The following AP2A2 variants were observed in gnomAD, a reference collection of about 807,000 sequenced individuals.
The protein encoded by AP2A2 is adaptor related protein complex 2 subunit alpha 2, also known as AP-2 complex subunit alpha-2.
AP2A2 carries 32 observed loss-of-function variants against 104.2 expected under a neutral mutation model. The ratio of observed to expected loss-of-function variants is 0.31; its 90% confidence interval spans 0.23 to 0.41. The LOEUF (loss-of-function observed/expected upper bound fraction) is 0.41, where lower values mean the gene tolerates loss of function less well. AP2A2 is among the 10% of genes least tolerant of loss of function. AP2A2 has a pLI of 1.00. For missense variants in AP2A2, 912 were observed against 1,261.0 expected, an observed-to-expected ratio of 0.72 and a Z score of 4.19; for synonymous variants, 539 against 533.3, an observed-to-expected ratio of 1.01 and a Z score of -0.15.
In AP2A2 at chr11:969,142, G is replaced by A. The variant is rs1317828426; in HGVS notation, c.137-1027G>A. ...GCCACCTTTCTCGCTCGCCTCCACAGCCTGCTGGAGGCTGGCTCTGAGGGA... is the reference window on the plus strand; with the variant it reads ...GCCACCTTTCTCGCTCGCCTCCACAACCTGCTGGAGGCTGGCTCTGAGGGA... On this transcript the variant is annotated intron_variant, in intron 2 of 21. Transcript: ENST00000448903. Among the ~76,000 whole-genome samples, 6 of 150,892 alleles carry A rather than the reference G, an allele frequency of 4.0e-5. No individual in the cohort carries two copies. In the East Asian group the frequency reaches 1.2e-3, roughly 29 times the overall value.
chr11:955,215 A>G (rs1026640652), intron 1 of AP2A2, among the ~76,000 whole-genome samples: 5 of 152,232 alleles, frequency 3.3e-5, no homozygotes, highest in African/African-American at 1.2e-4. Flanking sequence ...ACACATAGGC[A>G]CACGCACACT....
At chr11:1,009,501 C>T (rs950666120) in intron 20 of AP2A2, 104 bp downstream of exon 20, 13 of 1,371,922 alleles carry the variant, frequency 9.5e-6, no homozygotes, top group Non-Finnish European at 1.3e-5. Flanking sequence ...GACCCCGCGC[C>T]AGGGTCTGGA....
At position 972,202 on chromosome 11, in the gene AP2A2, C is replaced by A; in HGVS notation, c.420C>A (p.Ser140Arg). Residue 140 changes from serine (S) to arginine (R), a missense_variant, in exon 4 of 22, where the codon AGC becomes AGA. Coordinates refer to ENST00000448903, the MANE Select transcript of AP2A2 (RefSeq NM_012305.4). Reference sequence around the variant, plus strand: ...TGCACTGCATCGCCAGCGTGGGCAGCCGGGAGATGGCCGAGGCCTTCGCCG... The same window carrying A: ...TGCACTGCATCGCCAGCGTGGGCAGACGGGAGATGGCCGAGGCCTTCGCCG... Reference protein sequence around the residue: ...LALHCIASVGSREMAEAFAGE... With the variant: ...LALHCIASVGRREMAEAFAGE... 1.2e-6 allele frequency: 2 copies of A among 1,611,502 alleles called. No homozygotes were observed. Among genetic ancestry groups the A allele is most frequent in the Non-Finnish European group, 1.7e-6 (2 of 1,179,466 alleles).
At position 986,967 on chromosome 11, in the gene AP2A2, C is replaced by T. The variant is rs1354125759; in HGVS notation, c.1131+14C>T. ...AACGCCCTGAAGGCGAGTGCCCTGT[C>T]CTTGGGTTCTGCTCACTCCCTGAGC... On this transcript the variant is annotated intron_variant, in intron 9 of 21. Transcript: ENST00000448903. 2 of 1,564,240 alleles carry T rather than the reference C, an allele frequency of 1.3e-6. No homozygotes were observed. Among genetic ancestry groups the T allele is most frequent in the East Asian group, 2.4e-5 (1 of 41,866 alleles).
chr11:938,720 C>T (rs940192987), intron 1 of AP2A2, among the ~76,000 whole-genome samples: 4 of 151,998 alleles, frequency 2.6e-5, no homozygotes, highest in Non-Finnish European at 5.9e-5. Flanking sequence ...GTCATCTGCC[C>T]GCCTTGGCCT....
rs760902081 is a variant in AP2A2 at position 1,000,515 on chromosome 11, C to T, written c.2040C>T (p.Gly680=). The part of the protein sequence containing the change: ...APAGPPPSSG[G]SGLLVDVFSD... ...CGGGCCCCCCACCCTCCTCCGGCGGCAGCGGGCTGCTCGTGGACGTGTTCT... is the reference window on the plus strand; with the variant it reads ...CGGGCCCCCCACCCTCCTCCGGCGGTAGCGGGCTGCTCGTGGACGTGTTCT... Residue 680 remains glycine, a synonymous_variant, in exon 15 of 22, where the codon GGC becomes GGT. Transcript: ENST00000448903. The T allele has an allele frequency of 1.3e-6, 2 of 1,542,162 alleles. No homozygotes were observed. The highest frequency in any genetic ancestry group is 1.7e-6 in the Non-Finnish European group (2 of 1,148,782).
chr11:1,011,965 GGTC>G lies in AP2A2; in HGVS notation c.*1341_*1343del, dbSNP rs1163025441. ...TGCGCCTCTCGCACAGGCCATTCTG[GGTC>G]TGGTGGTGCCAGGTGCCGTGACACG... is the stretch of plus-strand genomic sequence containing the variant. On this transcript the variant is annotated 3_prime_UTR_variant, in exon 22 of 22. Transcript: ENST00000448903. 1.2e-5 allele frequency: 2 copies of G among 161,848 alleles called. No homozygotes were observed. The highest frequency in any genetic ancestry group is 1.2e-4 in the Admixed American group (2 of 16,044). 10.0% of individuals were successfully genotyped at this position (161,848 alleles called of 1,614,324 possible). A position where few individuals can be genotyped will look rare whatever the true frequency, so the allele number is the denominator to read the frequency against.
chr11:986,088 C>A (rs1165984336), intron 8 of AP2A2, among the ~76,000 whole-genome samples: 2 of 152,234 alleles, frequency 1.3e-5, no homozygotes, highest in South Asian at 4.1e-4. Flanking sequence ...TTGCGGCGCA[C>A]CACATGTGGT....
Position 925,895 on chromosome 11 carries a change from C to A in AP2A2, c.-127C>A. 1 of 630,996 alleles carries A rather than the reference C, an allele frequency of 1.6e-6. No individual in the cohort carries two copies. Among genetic ancestry groups the A allele is most frequent in the Non-Finnish European group, 2.3e-6 (1 of 432,528 alleles). The allele number at this position is 630,996 out of a possible 1,614,324, so 39.1% of individuals were successfully genotyped here. ...AGAAAGCGGCGCTGGGACCCTGAGG[C>A]GGCCGTGGTTAGGCGGCTCCCCGGC... is the stretch of plus-strand genomic sequence containing the variant. On this transcript the variant is annotated 5_prime_UTR_variant, in exon 1 of 22. Coordinates refer to ENST00000448903, the MANE Select transcript of AP2A2 (RefSeq NM_012305.4).
At chr11:994,014 T>C in intron 13 of AP2A2, 29 bp downstream of exon 13, 2 of 1,609,368 alleles carry the variant, frequency 1.2e-6, no homozygotes, top group Non-Finnish European at 1.7e-6. Flanking sequence ...TCGGGCTGGC[T>C]TGGCTGAGGG....
chr11:977,732 C>T (rs1855099047), intron 5 of AP2A2, among the ~76,000 whole-genome samples: 1 of 151,656 alleles, frequency 6.6e-6, no homozygotes, highest in Non-Finnish European at 1.5e-5. Flanking sequence ...GCTTGAGGGT[C>T]ACAGAGCCGT....
At chr11:972,383 C>G in intron 4 of AP2A2, 128 bp downstream of exon 4, 1 of 1,104,150 alleles carries the variant, frequency 9.1e-7, no homozygotes, top group East Asian at 2.6e-5. Flanking sequence ...TGAGATGTAG[C>G]CTAAGGTGGG....
intron 2 of AP2A2, among the ~76,000 whole-genome samples, chr11:964,789 C>A: frequency 7.4e-6 from 1 of 135,706 alleles, no homozygotes; most frequent in Non-Finnish European, 1.7e-5. Flanking sequence ...AGGAAATAAT[C>A]CCAGATGGAA....
chr11:993,678 G>A lies in AP2A2; in HGVS notation c.1551-76G>A, dbSNP rs1270473414. 53 of 1,183,622 alleles carry A rather than the reference G, an allele frequency of 4.5e-5. No homozygotes were observed. The highest frequency in any genetic ancestry group is 5.7e-5 in the Non-Finnish European group (48 of 843,740). The allele number at this position is 1,183,622 out of a possible 1,614,324, so 73.3% of individuals were successfully genotyped here. ...GTGCAGGCCAGGGGGTCTCGCCGCC[G>A]TCCCCCCCCCGCGGGGGCGTGCTGC... is the stretch of plus-strand genomic sequence containing the variant. On this transcript the variant is annotated intron_variant, in intron 12 of 21. Coordinates refer to ENST00000448903, the MANE Select transcript of AP2A2 (RefSeq NM_012305.4). The surrounding 1 kb of genome is among the most constrained non-coding windows in gnomAD (Gnocchi z 8.2).
chr11:977,149 C>T lies in AP2A2; in HGVS notation c.528C>T (p.Tyr176=). 6.2e-7 allele frequency: 1 copy of T among 1,613,686 alleles called. No individual in the cohort carries two copies. ...CGGCCCTGTGCTTGCTGCGCCTGTA[C>T]AGGACGTCCCCCGATCTTGTCCCCA... ...QSAALCLLRL[Y]RTSPDLVPMG... Residue 176 remains tyrosine (Y), a synonymous_variant, in exon 5 of 22, where the codon TAC becomes TAT. Coordinates refer to ENST00000448903, the MANE Select transcript of AP2A2 (RefSeq NM_012305.4).
intron 1 of AP2A2, among the ~76,000 whole-genome samples, chr11:954,493 GTTGTAT>G (rs1420199158): frequency 2.0e-5 from 3 of 152,066 alleles, no homozygotes; most frequent in Non-Finnish European, 2.9e-5. Context: ...GTGTATATAT[GTTGTAT>G]TTGTGTTTGT....
At chr11:986,677 G>C in intron 8 of AP2A2, 108 bp from the exon 9 acceptor site, 1 of 1,350,924 alleles carries the variant, frequency 7.4e-7, no homozygotes, top group African/African-American at 1.4e-5. Flanking sequence ...GGTGAGTGCC[G>C]TGTGACTTTG....
rs1445095658 is a variant in AP2A2 at position 957,436 on chromosome 11, T to TC, written c.68-1996dup. Among the ~76,000 whole-genome samples, 11 of 152,264 alleles carry TC rather than the reference T, an allele frequency of 7.2e-5. No homozygotes were observed. The South Asian group carries it at 1.2e-3, about 17-fold the overall frequency. ...CCCGGCCTATCTGTGCGGCGTTCCTTCCCCCGGGGTGTGGGGCAGGGCCCC... is the reference window on the plus strand; with the variant it reads ...CCCGGCCTATCTGTGCGGCGTTCCTTCCCCCCGGGGTGTGGGGCAGGGCCCC... On this transcript the variant is annotated intron_variant, in intron 1 of 21. Coordinates refer to ENST00000448903, the MANE Select transcript of AP2A2 (RefSeq NM_012305.4).
At position 977,148 on chromosome 11, in the gene AP2A2, A is replaced by G. The variant is rs910977400; in HGVS notation, c.527A>G (p.Tyr176Cys). 7 of 1,613,688 alleles carry G rather than the reference A, an allele frequency of 4.3e-6. No individual in the cohort carries two copies. Among genetic ancestry groups the G allele is most frequent in the Non-Finnish European group, 5.9e-6 (7 of 1,179,734 alleles). Residue 176 changes from tyrosine (Y) to cysteine (C), a missense_variant, in exon 5 of 22, where the codon TAC (tyrosine) becomes TGC (cysteine). By Grantham distance (194) the Tyr-to-Cys change is radical. Transcript: ENST00000448903. ...GCGGCCCTGTGCTTGCTGCGCCTGTACAGGACGTCCCCCGATCTTGTCCCC... is the reference window on the plus strand; with the variant it reads ...GCGGCCCTGTGCTTGCTGCGCCTGTGCAGGACGTCCCCCGATCTTGTCCCC... Reference protein sequence around the residue: ...QSAALCLLRLYRTSPDLVPMG... With the variant: ...QSAALCLLRLCRTSPDLVPMG...
Sources: allele counts gnomAD v4.1 joint callset (sites outside exome capture counted in the v4.1 genomes callset), GRCh38; gene constraint gnomAD v4.1.1; non-coding constraint Gnocchi (gnomAD v3.1); transcripts MANE v1.5; gene names NCBI Gene and HGNC (gene_info 2026-07-23, HGNC 2026-07-21).